CEP70: variants seen among roughly 807,000 people sequenced by gnomAD.
The protein encoded by CEP70 is centrosomal protein of 70 kDa.
A neutral mutation model predicts 90.9 loss-of-function variants in CEP70; 70 were observed. That is an observed-to-expected ratio of 0.77 (90% CI 0.64 to 0.94). CEP70 has a LOEUF of 0.94. Among genes scored for constraint, CEP70 ranks in the 40% least tolerant of loss-of-function variants. CEP70 has a pLI of 0.00. For synonymous variants in CEP70, 220 were observed against 228.3 expected (o/e 0.96, Z 0.33); for missense variants, 648 against 669.0 (o/e 0.97, Z 0.35).
At chr3:138,581,694 C>CAAAAAAAAAAAAAAAAAAAAAAA (rs35064874) in intron 2 of CEP70, among the ~76,000 whole-genome samples, 1 of 79,354 alleles carries the variant, frequency 1.3e-5, no homozygotes, top group African/African-American at 4.8e-5. Flanking sequence ...AAACTTGTCT[C>CAAAAAAAAAAAAAAAAAAAAAAA]AAAAAAAAAA....
intron 11 of CEP70, among the ~76,000 whole-genome samples, chr3:138,517,826 A>G (rs1191060498): frequency 5.9e-5 from 9 of 152,186 alleles, no homozygotes; most frequent in African/African-American, 1.9e-4. Context: ...GGAGTGTCGG[A>G]AAGTGGGTGC....
At chr3:138,528,536 C>T (rs1391019508) in intron 10 of CEP70, among the ~76,000 whole-genome samples, 1 of 152,064 alleles carries the variant, frequency 6.6e-6, no homozygotes, top group East Asian at 1.9e-4. Flanking sequence ...TTTAATATTC[C>T]AAATTCCAGT....
intron 6 of CEP70, among the ~76,000 whole-genome samples, chr3:138,551,287 T>C (rs898377111): frequency 2.6e-5 from 4 of 152,218 alleles, no homozygotes; most frequent in African/African-American, 2.4e-5. Flanking sequence ...AAAGGAAAGA[T>C]AGTCTTTTTC....
chr3:138,519,623 A>G (rs2036408074), intron 11 of CEP70, among the ~76,000 whole-genome samples: 1 of 152,202 alleles, frequency 6.6e-6, no homozygotes, highest in Non-Finnish European at 1.5e-5. Context: ...TTTACAGACA[A>G]GCAAATGCTG....
At chr3:138,526,901 T>C (rs2037305321) in intron 10 of CEP70, among the ~76,000 whole-genome samples, 1 of 152,224 alleles carries the variant, frequency 6.6e-6, no homozygotes, top group African/African-American at 2.4e-5. Flanking sequence ...ATTATAATCA[T>C]GAATCGTAAC....
chr3:138,498,221 C>T, intron 16 of CEP70, 111 bp from the exon 17 acceptor site: 7 of 698,512 alleles, frequency 1.0e-5, no homozygotes, highest in Non-Finnish European at 1.6e-5. Context: ...TAAATATAAA[C>T]TTAATGATCA....
At chr3:138,572,601 T>C (rs185032162) in intron 3 of CEP70, among the ~76,000 whole-genome samples, 1 of 152,342 alleles carries the variant, frequency 6.6e-6, no homozygotes, top group Non-Finnish European at 1.5e-5. Context: ...CCAAAGTACA[T>C]GCTACAGAAC....
chr3:138,589,244 A>AT (rs1052228629), intron 2 of CEP70, among the ~76,000 whole-genome samples: 13 of 152,250 alleles, frequency 8.5e-5, no homozygotes, highest in African/African-American at 3.1e-4. Context: ...TTTTCCTGAA[A>AT]TTTAAAAAAA....
chr3:138,547,171 G>A (rs1463338616), intron 6 of CEP70, among the ~76,000 whole-genome samples: 1 of 152,190 alleles, frequency 6.6e-6, no homozygotes, highest in African/African-American at 2.4e-5. Flanking sequence ...TGATGAGGGT[G>A]TCAGTCCCAC....
chr3:138,538,822 T>G (rs1338975905), intron 6 of CEP70, among the ~76,000 whole-genome samples: 2 of 152,164 alleles, frequency 1.3e-5, no homozygotes, highest in East Asian at 1.9e-4. Flanking sequence ...CTACTAAAGT[T>G]TTTTACTTCT....
At chr3:138,566,647 C>G (rs2040811971) in intron 6 of CEP70, among the ~76,000 whole-genome samples, 1 of 151,808 alleles carries the variant, frequency 6.6e-6, no homozygotes, top group Non-Finnish European at 1.5e-5. Context: ...ACATCACACA[C>G]TGGGGCCTGT....
Position 138,508,428 on chromosome 3 carries a change from C to G in CEP70, c.1050+11G>C. On this transcript the variant is annotated intron_variant, in intron 12 of 17. Transcript: ENST00000264982. ...CATCAGTCTTTTTGTCATGAAAAAT[C>G]AATTCAATACCTGAAAGTATCTCTG... is the stretch of plus-strand genomic sequence containing the variant. 1 of 1,535,436 alleles carries G rather than the reference C, an allele frequency of 6.5e-7. No homozygotes were observed. The highest frequency in any genetic ancestry group is 9.0e-7 in the Non-Finnish European group (1 of 1,108,690).
At chr3:138,575,578 T>C (rs1333889200) in intron 2 of CEP70, among the ~76,000 whole-genome samples, 1 of 152,044 alleles carries the variant, frequency 6.6e-6, no homozygotes, top group Non-Finnish European at 1.5e-5. Flanking sequence ...AGGCCAACAT[T>C]CAAATTCAGG....
At chr3:138,496,309 CATTT>C (rs1270066681) in intron 17 of CEP70, 16 of 985,240 alleles carry the variant, frequency 1.6e-5, no homozygotes, top group Non-Finnish European at 1.7e-5. Context: ...TCCTACTATT[CATTT>C]AGTTCTTTTA....
At chr3:138,579,366 G>C (rs945269777) in intron 2 of CEP70, among the ~76,000 whole-genome samples, 3 of 152,012 alleles carry the variant, frequency 2.0e-5, no homozygotes, top group Admixed American at 2.0e-4. Context: ...ATGTGACCTA[G>C]TGAGACAACA....
Position 138,525,500 on chromosome 3 carries a change from T to C in CEP70, c.934A>G (p.Lys312Glu), listed in dbSNP as rs756335803. Reference protein sequence around the residue: ...QVKKLEKALKKNVKLQELINH... With the variant: ...QVKKLEKALKENVKLQELINH... ...TAAAAATATAATTACTTGACGTTTT[T>C]CTTAAGGGCTTTTTCCAGCTTCTTC... Residue 312 changes from lysine (K) to glutamate (E), a missense_variant, in exon 11 of 18, where the codon AAA (lysine) becomes GAA (glutamate). Lys to Glu is a moderately conservative substitution (Grantham distance 56). Coordinates refer to ENST00000264982, the MANE Select transcript of CEP70 (RefSeq NM_024491.4). 5.0e-6 allele frequency: 7 copies of C among 1,401,438 alleles called. No homozygotes were observed. Among genetic ancestry groups the C allele is most frequent in the Non-Finnish European group, 9.4e-7 (1 of 1,065,562 alleles). 86.8% of individuals were successfully genotyped at this position (1,401,438 alleles called of 1,614,324 possible). A position where few individuals can be genotyped will look rare whatever the true frequency, so the allele number is the denominator to read the frequency against.
rs1024578347 is a variant in CEP70, at chr3:138,528,884, C to T, written c.869+315G>A. 3.3e-5 allele frequency among the ~76,000 whole-genome samples: 5 copies of T among 152,140 alleles called. No homozygotes were observed. The East Asian group carries it at 5.8e-4, about 18-fold the overall frequency. On this transcript the variant is annotated intron_variant, in intron 10 of 17. Transcript: ENST00000264982. ...GTGTGCACCTGTAATCCCAGCTACT[C>T]GGGAGGCTGAGGCAGAAGAATCGCT...
At chr3:138,575,171 T>C (rs2041428197) in intron 2 of CEP70, among the ~76,000 whole-genome samples, 1 of 152,156 alleles carries the variant, frequency 6.6e-6, no homozygotes, top group African/African-American at 2.4e-5. Context: ...AAGGAGGATG[T>C]TCAAACCCAT....
At chr3:138,550,556 T>C (rs567284544) in intron 6 of CEP70, among the ~76,000 whole-genome samples, 193 of 152,168 alleles carry the variant, frequency 1.3e-3, no homozygotes, top group African/African-American at 3.9e-3. Context: ...AGAGATGAGA[T>C]TTCTTCATGT....
Sources: allele counts gnomAD v4.1 joint callset (sites outside exome capture counted in the v4.1 genomes callset), GRCh38; gene constraint gnomAD v4.1.1; transcripts MANE v1.5; gene names NCBI Gene and HGNC (gene_info 2026-07-23, HGNC 2026-07-21).